Variants in CBR3 observed in about 807,000 individuals in gnomAD.
The protein encoded by CBR3 is carbonyl reductase 3.
In CBR3, 14 loss-of-function variants were observed where a neutral mutation model predicts 11.6. That is an observed-to-expected ratio of 1.20 (90% CI 0.79 to 1.88). CBR3 has a LOEUF of 1.88. CBR3 is among the 40% of genes most tolerant of loss of function. CBR3 has a pLI of 0.00. For missense variants in CBR3, 308 were observed against 357.3 expected (o/e 0.86, Z 1.11); for synonymous variants, 125 against 145.6 (o/e 0.86, Z 1.02).
At chr21:36,142,428 T>A (rs1178644632) in intron 2 of CBR3, among the ~76,000 whole-genome samples, 1 of 2,450 alleles carries the variant, frequency 4.1e-4, no homozygotes, top group South Asian at 0.011. Context: ...CGAGACTCCA[T>A]CTCAAAAAAA....
intron 2 of CBR3, among the ~76,000 whole-genome samples, chr21:36,145,538 C>A (rs2065747156): frequency 6.6e-6 from 1 of 152,148 alleles, no homozygotes; most frequent in Non-Finnish European, 1.5e-5. Flanking sequence ...CAGAGTTTTG[C>A]CACGTTGCCC....
Position 36,135,190 on chromosome 21 carries a change from G to T in CBR3, c.-3G>T. ...GCAGGTGCCCCGCGCTCCCCGCTCA[G>T]CCATGTCGTCCTGCAGCCGCGTGGC... On this transcript the variant is annotated 5_prime_UTR_variant, in exon 1 of 3. Transcript: ENST00000290354. 6.8e-7 allele frequency: 1 copy of T among 1,470,322 alleles called. No homozygotes were observed. 91.1% of individuals were successfully genotyped at this position (1,470,322 alleles called of 1,614,324 possible).
Position 36,135,083 on chromosome 21 carries a change from C to A in CBR3, c.-110C>A. 8.9e-7 allele frequency: 1 copy of A among 1,122,852 alleles called. No individual in the cohort carries two copies. The highest frequency in any genetic ancestry group is 1.2e-6 in the Non-Finnish European group (1 of 837,154). 69.6% of individuals were successfully genotyped at this position (1,122,852 alleles called of 1,614,324 possible). ...AGACTCGCAGCACTGGATCCCAGAA[C>A]TTAGTCTGCGCGGCGGCATTGACAC... On this transcript the variant is annotated 5_prime_UTR_variant, in exon 1 of 3. Coordinates refer to ENST00000290354, the MANE Select transcript of CBR3 (RefSeq NM_001236.4).
intron 2 of CBR3, among the ~76,000 whole-genome samples, chr21:36,144,068 G>A (rs1173414156): frequency 6.6e-6 from 1 of 152,050 alleles, no homozygotes; most frequent in Non-Finnish European, 1.5e-5. Context: ...CTAGGAAATT[G>A]AGAGCTTTAG....
chr21:36,135,385 G>T lies in CBR3; in HGVS notation c.193G>T (p.Asp65Tyr), dbSNP rs932744027. 1 of 1,613,254 alleles carries T rather than the reference G, an allele frequency of 6.2e-7. No homozygotes were observed. The highest frequency in any genetic ancestry group is 8.5e-7 in the Non-Finnish European group (1 of 1,179,830). ...CCCGCGCTTCCACCAACTGGACATCGACGACTTGCAGAGCATCCGCGCCCT... is the reference window on the plus strand; with the variant it reads ...CCCGCGCTTCCACCAACTGGACATCTACGACTTGCAGAGCATCCGCGCCCT... ...LSPRFHQLDI[D>Y]DLQSIRALRD... is the part of the protein sequence containing the mutation. Residue 65 changes from aspartate to tyrosine, a missense_variant, in exon 1 of 3, where the codon GAC becomes TAC. Coordinates refer to ENST00000290354, the MANE Select transcript of CBR3 (RefSeq NM_001236.4).
intron 2 of CBR3, among the ~76,000 whole-genome samples, chr21:36,143,369 C>G (rs1418520341): frequency 6.6e-6 from 1 of 151,682 alleles, no homozygotes; most frequent in Non-Finnish European, 1.5e-5. Context: ...AATAAAAGAA[C>G]TCACTAAAAT....
intron 1 of CBR3, 78 bp downstream of exon 1, chr21:36,135,559 G>A (rs1042854016): frequency 7.5e-7 from 1 of 1,339,534 alleles, no homozygotes; most frequent in Non-Finnish European, 1.0e-6. Flanking sequence ...CTCCCCACCC[G>A]TCCACTTGAG....
chr21:36,143,150 CAA>C (rs1439389564), intron 2 of CBR3, among the ~76,000 whole-genome samples: 1 of 151,826 alleles, frequency 6.6e-6, no homozygotes, highest in African/African-American at 2.4e-5. Context: ...CCTAAAAATA[CAA>C]AAATTAGCTG....
chr21:36,135,362 C>A lies in CBR3; in HGVS notation c.170C>A (p.Pro57Gln). ...CAGCTGCAGGCGGAGGGCCTGAGCC[C>A]GCGCTTCCACCAACTGGACATCGAC... Reference protein sequence around the residue: ...VQQLQAEGLSPRFHQLDIDDL... With the variant: ...VQQLQAEGLSQRFHQLDIDDL... Residue 57 changes from proline to glutamine, a missense_variant, in exon 1 of 3, where the codon CCG becomes CAG. Pro to Gln is a moderately conservative substitution (Grantham distance 76). Transcript: ENST00000290354. The A allele has an allele frequency of 6.2e-7, 1 of 1,612,932 alleles. No homozygotes were observed. Among genetic ancestry groups the A allele is most frequent in the Non-Finnish European group, 8.5e-7 (1 of 1,179,816 alleles).
In CBR3 at chr21:36,142,436, A is replaced by AAAAAAACAAAAAAC. The variant is rs1555883302; in HGVS notation, c.398-3634_398-3633insCAAAAAACAAAAAA. Among the ~76,000 whole-genome samples the AAAAAAACAAAAAAC allele has an allele frequency of 9.2e-5, 11 of 119,628 alleles. 1 individual carries two copies. The highest frequency in any genetic ancestry group is 1.4e-4 in the African/African-American group (5 of 34,524). 78.5% of individuals were successfully genotyped at this position (119,628 alleles called of 152,430 possible). A position where few individuals can be genotyped will look rare whatever the true frequency, so the allele number is the denominator to read the frequency against. ...GACAGAGCGAGACTCCATCTCAAAA[A>AAAAAAACAAAAAAC]AAAAAAAAAAAACGCAATCCATGAT... On this transcript the variant is annotated intron_variant, in intron 2 of 2. Transcript: ENST00000290354.
In CBR3 at chr21:36,146,524, G is replaced by A. The variant is rs756222693; in HGVS notation, c.*12G>A. ...TGCAAAACTGGTAAACGTCTGCTTC[G>A]GAGCTTGCTGCTTAATAAATGTTGG... is the stretch of plus-strand genomic sequence containing the variant. On this transcript the variant is annotated 3_prime_UTR_variant, in exon 3 of 3. Coordinates refer to ENST00000290354, the MANE Select transcript of CBR3 (RefSeq NM_001236.4). 18 of 1,566,798 alleles carry A rather than the reference G, an allele frequency of 1.1e-5. No individual in the cohort carries two copies. Among genetic ancestry groups the A allele is most frequent in the African/African-American group, 4.1e-5 (3 of 73,268 alleles).
At chr21:36,138,323 ATT>A (rs1471525853) in intron 2 of CBR3, 6 of 163,708 alleles carry the variant, frequency 3.7e-5, no homozygotes, top group Admixed American at 3.0e-4. Flanking sequence ...AATTTTTTAT[ATT>A]TTTAGTAGAG....
intron 2 of CBR3, chr21:36,138,741 T>C (rs964772761): frequency 6.7e-6 from 1 of 149,720 alleles, no homozygotes; most frequent in African/African-American, 2.5e-5. Context: ...TTTTTTTTCT[T>C]TTCTTTTTTT....
chr21:36,140,266 C>T (rs1359091462), intron 2 of CBR3, among the ~76,000 whole-genome samples: 2 of 151,904 alleles, frequency 1.3e-5, no homozygotes, highest in East Asian at 2.0e-4. Flanking sequence ...GGGATGAGAT[C>T]ATAGAAAGCC....
At chr21:36,136,138 T>C (rs972809871) in intron 1 of CBR3, among the ~76,000 whole-genome samples, 3 of 151,958 alleles carry the variant, frequency 2.0e-5, no homozygotes, top group African/African-American at 7.3e-5. Flanking sequence ...GATCAAGAGA[T>C]TGCTTATTCT....
chr21:36,139,881 C>CTTTTTTTTTT (rs10689993), intron 2 of CBR3, among the ~76,000 whole-genome samples: 9 of 89,832 alleles, frequency 1.0e-4, no homozygotes, highest in Non-Finnish European at 1.2e-4. Context: ...GATGCAAAAC[C>CTTTTTTTTTT]TTTTTTTTTT....
rs144087608 is a variant in CBR3, at chr21:36,137,888, C to T, written c.353C>T (p.Thr118Ile). ...ACACTGAAGACAAATTTTTTTGCCA[C>T]TAGAAACATGTGCAACGAGTTACTG... ...EMTLKTNFFATRNMCNELLPI... is the reference protein window; with the variant it reads ...EMTLKTNFFAIRNMCNELLPI... Residue 118 changes from threonine to isoleucine, a missense_variant, in exon 2 of 3, where the codon ACT becomes ATT. Coordinates refer to ENST00000290354, the MANE Select transcript of CBR3 (RefSeq NM_001236.4). The T allele has an allele frequency of 5.5e-5, 88 of 1,611,638 alleles. No homozygotes were observed. The African/African-American group carries it at 1.1e-3, about 20-fold the overall frequency.
intron 2 of CBR3, chr21:36,138,270 C>A: frequency 5.5e-6 from 1 of 182,480 alleles, no homozygotes; most frequent in South Asian, 1.3e-4. Flanking sequence ...GCCTCAGCCT[C>A]CCGAGTAGCT....
chr21:36,143,759 G>C (rs962344099), intron 2 of CBR3, among the ~76,000 whole-genome samples: 1 of 151,692 alleles, frequency 6.6e-6, no homozygotes, highest in Admixed American at 6.6e-5. Flanking sequence ...GTGTGCCTGT[G>C]GGCCCAGTTA....
Sources: gnomAD v4.1 joint callset for allele counts (sites outside exome capture counted in the v4.1 genomes callset) on GRCh38, gnomAD v4.1.1 for gene constraint, MANE v1.5 for transcripts, NCBI Gene and HGNC (gene_info 2026-07-23, HGNC 2026-07-21) for gene names.